GRM7: variants seen among roughly 807,000 people sequenced by gnomAD.
GRM7 encodes metabotropic glutamate receptor 7.
In GRM7, 35 loss-of-function variants were observed where a neutral mutation model predicts 84.5. The ratio of observed to expected loss-of-function variants is 0.41; its 90% CI spans 0.32 to 0.55. The LOEUF (loss-of-function observed/expected upper bound fraction) is 0.55. GRM7 is among the 20% of genes least tolerant of loss of function. The probability of loss-of-function intolerance (pLI) is 0.19; values close to 1 mark genes in which losing one functional copy is unlikely to be tolerated. For missense variants in GRM7, 1,003 were observed against 1,194.6 expected, an observed-to-expected ratio of 0.84 and a Z score of 2.36; for synonymous variants, 487 against 455.1, an observed-to-expected ratio of 1.07 and a Z score of -0.89.
At chr3:7,605,136 C>T (rs1359090308) in intron 8 of GRM7, among the ~76,000 whole-genome samples, 1 of 151,960 alleles carries the variant, frequency 6.6e-6, no homozygotes, top group Non-Finnish European at 1.5e-5. Context: ...AAAAACTGCC[C>T]AGATGATGCC....
chr3:7,064,974 A>G (rs544506950), intron 1 of GRM7, among the ~76,000 whole-genome samples: 1 of 151,830 alleles, frequency 6.6e-6, no homozygotes, highest in South Asian at 2.1e-4. Context: ...TTCATTGGCC[A>G]TTTGTATATC....
At chr3:7,243,145 G>A (rs965605164) in intron 2 of GRM7, among the ~76,000 whole-genome samples, 11 of 151,974 alleles carry the variant, frequency 7.2e-5, no homozygotes, top group Non-Finnish European at 1.5e-4. Context: ...ACAGCCGAAG[G>A]GCTCCAAAAA....
intron 4 of GRM7, among the ~76,000 whole-genome samples, chr3:7,337,438 C>G (rs948714717): frequency 6.6e-6 from 1 of 152,052 alleles, no homozygotes; most frequent in Admixed American, 6.6e-5. Flanking sequence ...AAAAAAGCTT[C>G]TACACAGCAA....
chr3:7,270,532 A>T (rs1470850611), intron 2 of GRM7, among the ~76,000 whole-genome samples: 1 of 151,930 alleles, frequency 6.6e-6, no homozygotes, highest in Non-Finnish European at 1.5e-5. Context: ...TGAATGTATT[A>T]TGTTGCTTTT....
intron 7 of GRM7, among the ~76,000 whole-genome samples, chr3:7,565,859 T>A (rs1011923198): frequency 2.0e-5 from 3 of 152,242 alleles, no homozygotes; most frequent in Non-Finnish European, 4.4e-5. Flanking sequence ...GTAACCTTTA[T>A]CTGTTTTGCT....
chr3:7,094,779 C>A (rs1311668856), intron 1 of GRM7, among the ~76,000 whole-genome samples: 2 of 149,228 alleles, frequency 1.3e-5, no homozygotes, highest in East Asian at 3.9e-4. Flanking sequence ...AAAATGTGTT[C>A]AATAATTTTA....
chr3:6,900,687 T>C (rs1696351571), intron 1 of GRM7, among the ~76,000 whole-genome samples: 1 of 152,204 alleles, frequency 6.6e-6, no homozygotes, highest in Non-Finnish European at 1.5e-5. Context: ...AAGAAGCTTA[T>C]AGAGAGACCG....
At chr3:7,411,030 C>T (rs1321983011) in intron 4 of GRM7, among the ~76,000 whole-genome samples, 1 of 152,088 alleles carries the variant, frequency 6.6e-6, no homozygotes. Flanking sequence ...TCCAAGCATT[C>T]CTAGGCTTGT....
chr3:7,599,155 G>A (rs923632863), intron 8 of GRM7, among the ~76,000 whole-genome samples: 2 of 152,002 alleles, frequency 1.3e-5, no homozygotes, highest in African/African-American at 4.8e-5. Context: ...TCATTTAATG[G>A]GATATATGCA....
chr3:7,478,398 G>A (rs1202537103), intron 7 of GRM7, among the ~76,000 whole-genome samples: 3 of 152,130 alleles, frequency 2.0e-5, no homozygotes, highest in Non-Finnish European at 4.4e-5. Flanking sequence ...GTTGGCCCAC[G>A]TATCAAGTAG....
intron 1 of GRM7, among the ~76,000 whole-genome samples, chr3:6,997,369 A>G (rs1348117590): frequency 1.3e-5 from 2 of 152,134 alleles, no homozygotes. Context: ...GGTCTATTTG[A>G]CTCACAGTTC....
intron 7 of GRM7, among the ~76,000 whole-genome samples, chr3:7,578,109 T>C (rs1305590016): frequency 1.3e-5 from 2 of 152,188 alleles, no homozygotes; most frequent in African/African-American, 4.8e-5. Context: ...GCACTTGTTA[T>C]AAATACAGCC....
rs115066146 is a variant in GRM7, at chr3:7,366,272, T to C, written c.1034-48751T>C. Among the ~76,000 whole-genome samples the C allele has an allele frequency of 1.2e-3, 186 of 151,994 alleles. 1 individual carries two copies. Among genetic ancestry groups the C allele is most frequent in the African/African-American group, 4.3e-3 (177 of 41,556 alleles). ...TCCTCTGCAGAATTACAAGCCTGTC[T>C]TTAATTTTCCTCTTTATTTTTAACA... On this transcript the variant is annotated intron_variant, in intron 4 of 9. Transcript: ENST00000357716.
chr3:7,141,989 G>A (rs564683410), intron 1 of GRM7, among the ~76,000 whole-genome samples: 4 of 151,740 alleles, frequency 2.6e-5, no homozygotes, highest in Admixed American at 1.3e-4. Context: ...GAGGTAGAGC[G>A]ACTTAAACAT....
chr3:7,369,014 TCA>T (rs1455216337), intron 4 of GRM7, among the ~76,000 whole-genome samples: 1 of 152,008 alleles, frequency 6.6e-6, no homozygotes, highest in African/African-American at 2.4e-5. Context: ...GTTGTTGCTG[TCA>T]CACTGTTCTC....
intron 2 of GRM7, among the ~76,000 whole-genome samples, chr3:7,235,176 A>G (rs1303258331): frequency 1.3e-5 from 2 of 152,208 alleles, no homozygotes; most frequent in African/African-American, 2.4e-5. Context: ...TAGACGGTAA[A>G]GTGCAGGATC....
intron 4 of GRM7, among the ~76,000 whole-genome samples, chr3:7,390,852 C>T (rs1694962984): frequency 6.6e-6 from 1 of 151,978 alleles, no homozygotes; most frequent in African/African-American, 2.4e-5. Flanking sequence ...TCATTCCAGA[C>T]ATTTTATTCT....
chr3:7,674,244 T>A (rs1394619850), intron 8 of GRM7, among the ~76,000 whole-genome samples: 1 of 151,888 alleles, frequency 6.6e-6, no homozygotes. Context: ...CAGGCTGGAA[T>A]ACAGTGACGC....
At chr3:7,297,003 A>C (rs1389478178) in intron 2 of GRM7, among the ~76,000 whole-genome samples, 1 of 151,868 alleles carries the variant, frequency 6.6e-6, no homozygotes, top group Admixed American at 6.6e-5. Context: ...TTTCAAACTC[A>C]TTGATTTTTG....
Sources: allele counts gnomAD v4.1 joint callset (sites outside exome capture counted in the v4.1 genomes callset), GRCh38; gene constraint gnomAD v4.1.1; transcripts MANE v1.5; gene names NCBI Gene and HGNC (gene_info 2026-07-23, HGNC 2026-07-21).